ACTR3B: variants seen among roughly 807,000 people sequenced by gnomAD.
ACTR3B encodes actin related protein 3B.
ACTR3B carries 8 observed loss-of-function variants against 59.0 expected under a neutral mutation model. That is an observed-to-expected ratio of 0.14 (90% confidence interval 0.08 to 0.24). The LOEUF (loss-of-function observed/expected upper bound fraction) is 0.24. Among genes scored for constraint, ACTR3B ranks in the 10% least tolerant of loss-of-function variants. The pLI is 1.00. For missense variants in ACTR3B, 245 were observed against 552.3 expected (o/e 0.44, Z 5.58); for synonymous variants, 148 against 197.9 (o/e 0.75, Z 2.12).
In ACTR3B at chr7:152,854,384, G is replaced by A; in HGVS notation, c.1162-74G>A. 7.2e-7 allele frequency: 1 copy of A among 1,388,612 alleles called. No individual in the cohort carries two copies. Among genetic ancestry groups the A allele is most frequent in the East Asian group, 2.3e-5 (1 of 43,846 alleles). The allele number at this position is 1,388,612 out of a possible 1,614,324, so 86.0% of individuals were successfully genotyped here. Reference sequence around the variant, plus strand: ...GAGGCCGGGATGAGGAGAGTGTCTTGCCTGCTTGGTAGCTGGTTCCCTTGA... The same window carrying A: ...GAGGCCGGGATGAGGAGAGTGTCTTACCTGCTTGGTAGCTGGTTCCCTTGA... On this transcript the variant is annotated intron_variant, in intron 11 of 11. Coordinates refer to ENST00000256001, the MANE Select transcript of ACTR3B (RefSeq NM_020445.6). The surrounding 1 kb of genome is among the most constrained non-coding windows in gnomAD (Gnocchi z 4.9).
intron 2 of ACTR3B, among the ~76,000 whole-genome samples, chr7:152,793,357 T>C (rs2098204373): frequency 8.1e-6 from 1 of 124,050 alleles, no homozygotes; most frequent in Non-Finnish European, 1.6e-5. Flanking sequence ...TTCCAGTCTA[T>C]TTTCTCTCTT....
chr7:152,819,420 C>T (rs1363150294), intron 6 of ACTR3B, among the ~76,000 whole-genome samples: 1 of 152,220 alleles, frequency 6.6e-6, no homozygotes, highest in Non-Finnish European at 1.5e-5. Flanking sequence ...GATGATCCAG[C>T]GGTGGGCGTT....
chr7:152,781,085 T>G (rs1445930076), intron 1 of ACTR3B, among the ~76,000 whole-genome samples: 1 of 151,974 alleles, frequency 6.6e-6, no homozygotes, highest in African/African-American at 2.4e-5. Flanking sequence ...AAGTGCATGA[T>G]CTTAACCAGT....
chr7:152,847,909 C>A (rs895158893), intron 9 of ACTR3B, among the ~76,000 whole-genome samples: 1 of 152,150 alleles, frequency 6.6e-6, no homozygotes, highest in Non-Finnish European at 1.5e-5. Context: ...CGTTTCTTCC[C>A]GCCGTGTCTT....
At chr7:152,852,027 C>T in intron 9 of ACTR3B, 99 bp from the exon 10 acceptor site, 1 of 1,527,424 alleles carries the variant, frequency 6.5e-7, no homozygotes, top group Non-Finnish European at 9.0e-7. Flanking sequence ...TGTGTCGTGC[C>T]CACAAGCGAT....
Position 152,796,267 on chromosome 7 carries a change from A to G in ACTR3B, c.101-4264A>G, listed in dbSNP as rs572853057. 4.6e-5 allele frequency among the ~76,000 whole-genome samples: 7 copies of G among 152,258 alleles called. No individual in the cohort carries two copies. In the South Asian group the frequency reaches 1.5e-3, roughly 32 times the overall value. ...AGTTCTACAAAGAGTGTTGTTGTGT[A>G]TATACTTTTATTTACTCAATGATTA... On this transcript the variant is annotated intron_variant, in intron 2 of 11. Transcript: ENST00000256001.
At chr7:152,775,476 G>A (rs576543673) in intron 1 of ACTR3B, among the ~76,000 whole-genome samples, 3 of 152,148 alleles carry the variant, frequency 2.0e-5, no homozygotes, top group East Asian at 3.9e-4. Context: ...AATGTTTGGG[G>A]CAGGCTGGGC....
chr7:152,772,109 C>T (rs1207656382), intron 1 of ACTR3B, among the ~76,000 whole-genome samples: 2 of 152,070 alleles, frequency 1.3e-5, no homozygotes, highest in African/African-American at 4.8e-5. Flanking sequence ...AAGAATACTA[C>T]ACATATTTAA....
At chr7:152,831,907 G>A (rs529305990) in intron 9 of ACTR3B, among the ~76,000 whole-genome samples, 1 of 152,242 alleles carries the variant, frequency 6.6e-6, no homozygotes, top group African/African-American at 2.4e-5. Context: ...CACCTGGAGG[G>A]GCCTCGCATG....
chr7:152,845,845 G>A (rs1248393265), intron 9 of ACTR3B, among the ~76,000 whole-genome samples: 1 of 152,118 alleles, frequency 6.6e-6, no homozygotes, highest in South Asian at 2.1e-4. Context: ...GTCTTCCTGA[G>A]CATTTTCTTA....
chr7:152,806,112 A>C (rs2098251362), intron 4 of ACTR3B, among the ~76,000 whole-genome samples: 1 of 152,218 alleles, frequency 6.6e-6, no homozygotes, highest in African/African-American at 2.4e-5. Flanking sequence ...GCACTTGACT[A>C]GTCTTAAAGA....
chr7:152,765,343 C>T (rs1422708205), intron 1 of ACTR3B, among the ~76,000 whole-genome samples: 3 of 151,580 alleles, frequency 2.0e-5, no homozygotes, highest in Non-Finnish European at 4.4e-5. Context: ...TCTTGAACTC[C>T]TGACCTCAGG....
intron 6 of ACTR3B, among the ~76,000 whole-genome samples, chr7:152,818,568 G>A (rs2948932): frequency 6.6e-5 from 10 of 151,984 alleles, no homozygotes; most frequent in South Asian, 2.1e-4. Flanking sequence ...CTCCTGCCTC[G>A]GCCTCCTGAG....
chr7:152,807,393 A>G (rs1275644960), intron 4 of ACTR3B, among the ~76,000 whole-genome samples: 3 of 151,782 alleles, frequency 2.0e-5, no homozygotes, highest in Non-Finnish European at 4.4e-5. Context: ...TTTAACAGCT[A>G]TATGATAATC....
At chr7:152,780,862 T>C (rs1252488824) in intron 1 of ACTR3B, among the ~76,000 whole-genome samples, 2 of 129,356 alleles carry the variant, frequency 1.5e-5, no homozygotes, top group South Asian at 2.3e-4. Flanking sequence ...TTTTTTTTTT[T>C]CGAGACAGGA....
At chr7:152,782,663 G>GC (rs1370219198) in intron 1 of ACTR3B, among the ~76,000 whole-genome samples, 1 of 148,848 alleles carries the variant, frequency 6.7e-6, no homozygotes, top group Admixed American at 6.7e-5. Context: ...TCTAACCGCC[G>GC]CCCCCCACCC....
chr7:152,759,994 G>T (rs1590172254), intron 1 of ACTR3B, 68 bp downstream of exon 1: 1 of 1,255,466 alleles, frequency 8.0e-7, no homozygotes, highest in Non-Finnish European at 1.0e-6. Flanking sequence ...CGTCCACCTC[G>T]CCTGGAGGTC....
intron 1 of ACTR3B, among the ~76,000 whole-genome samples, chr7:152,769,298 C>A (rs553394596): frequency 6.6e-6 from 1 of 152,250 alleles, no homozygotes; most frequent in Non-Finnish European, 1.5e-5. Flanking sequence ...TATTGGTTAT[C>A]TAGATAGAAA....
chr7:152,786,993 TA>T (rs1460668541), intron 2 of ACTR3B, among the ~76,000 whole-genome samples: 1 of 152,224 alleles, frequency 6.6e-6, no homozygotes, highest in Non-Finnish European at 1.5e-5. Context: ...AATGGTGCAG[TA>T]AAAATTTCCT....
Sources: gnomAD v4.1 joint callset for allele counts (sites outside exome capture counted in the v4.1 genomes callset) on GRCh38, gnomAD v4.1.1 for gene constraint, Gnocchi (gnomAD v3.1) non-coding constraint, MANE v1.5 for transcripts, NCBI Gene and HGNC (gene_info 2026-07-23, HGNC 2026-07-21) for gene names.